SLC7A9: variants seen among roughly 807,000 people sequenced by gnomAD.
SLC7A9 encodes solute carrier family 7 member 9, also known as B(0,+)-type amino acid transporter 1.
SLC7A9 carries 38 observed loss-of-function variants against 54.1 expected under a neutral mutation model. The ratio of observed to expected loss-of-function variants is 0.70; its 90% CI spans 0.54 to 0.92. SLC7A9 has a LOEUF of 0.92. SLC7A9 is among the 40% of genes least tolerant of loss of function. The pLI, the probability that SLC7A9 is intolerant of heterozygous loss-of-function variation, is 0.00. For synonymous variants in SLC7A9, 264 were observed against 258.9 expected, an observed-to-expected ratio of 1.02 and a Z score of -0.19; for missense variants, 537 against 636.1, an observed-to-expected ratio of 0.84 and a Z score of 1.68.
At chr19:32,867,950 AAAAG>A (rs1969023123) in intron 2 of SLC7A9, among the ~76,000 whole-genome samples, 3 of 140,076 alleles carry the variant, frequency 2.1e-5, no homozygotes, top group Admixed American at 7.1e-5. Context: ...AAAAAAAAAA[AAAAG>A]AATATGCAGC....
At chr19:32,860,281 G>A (rs1259986690) in intron 7 of SLC7A9, 5 of 1,394,182 alleles carry the variant, frequency 3.6e-6, no homozygotes, top group Non-Finnish European at 4.6e-6. Flanking sequence ...CGCTGGCCGG[G>A]TGCAGTGGCT....
chr19:32,862,673 T>G, intron 4 of SLC7A9, 87 bp from the exon 5 acceptor site: 2 of 1,265,032 alleles, frequency 1.6e-6, no homozygotes, highest in Non-Finnish European at 2.1e-6. Flanking sequence ...TTTTTATTTT[T>G]TTTTTTTTTT....
Position 32,842,182 on chromosome 19 carries a change from C to T in SLC7A9, c.1210G>A (p.Glu404Lys), listed in dbSNP as rs766981518. Residue 404 changes from glutamate to lysine, a missense_variant, in exon 11 of 13, where the codon GAA becomes AAA. Coordinates refer to ENST00000023064, the MANE Select transcript of SLC7A9 (RefSeq NM_014270.5). ...TGCAAGCTTACCTTGATAGGCCTTT[C>T]CAGCTCTTTCCTTGTAAATCTCATC... ...IVMRFTRKEL[E>K]RPIKVPVVIP... 1 of 1,614,180 alleles carries T rather than the reference C, an allele frequency of 6.2e-7. No individual in the cohort carries two copies. The highest frequency in any genetic ancestry group is 1.1e-5 in the South Asian group (1 of 91,076).
intron 4 of SLC7A9, among the ~76,000 whole-genome samples, chr19:32,863,710 G>A (rs1465200253): frequency 1.3e-5 from 2 of 152,148 alleles, no homozygotes; most frequent in African/African-American, 4.8e-5. Context: ...ATTCCAAGAG[G>A]GCAGATCCAA....
At chr19:32,863,375 C>T (rs905972171) in intron 4 of SLC7A9, among the ~76,000 whole-genome samples, 5 of 152,028 alleles carry the variant, frequency 3.3e-5, no homozygotes, top group Admixed American at 6.6e-5. Flanking sequence ...AATCCCTCCA[C>T]CTTGGTCTCC....
chr19:32,830,988 TAATA>T (rs2145789481), intron 12 of SLC7A9, among the ~76,000 whole-genome samples: 1 of 152,174 alleles, frequency 6.6e-6, no homozygotes, highest in African/African-American at 2.4e-5. Flanking sequence ...CACATTCACT[TAATA>T]AATCTTAACT....
chr19:32,831,583 C>T (rs755850511), intron 12 of SLC7A9, among the ~76,000 whole-genome samples: 2 of 152,184 alleles, frequency 1.3e-5, no homozygotes, highest in South Asian at 2.1e-4. Flanking sequence ...CCACCGTGCC[C>T]GGCCCGATAT....
chr19:32,865,130 A>G (rs1240189057), intron 2 of SLC7A9, among the ~76,000 whole-genome samples: 8 of 152,118 alleles, frequency 5.3e-5, no homozygotes, highest in African/African-American at 1.7e-4. Context: ...TGTGCCCTCA[A>G]TGAAAAGGCT....
At chr19:32,838,113 GTACT>G (rs1444346948) in intron 11 of SLC7A9, among the ~76,000 whole-genome samples, 1 of 152,126 alleles carries the variant, frequency 6.6e-6, no homozygotes, top group African/African-American at 2.4e-5. Flanking sequence ...CCTTCTGTTG[GTACT>G]TACTTGAGAT....
At chr19:32,849,161 A>C (rs1220084808) in intron 9 of SLC7A9, among the ~76,000 whole-genome samples, 8 of 152,208 alleles carry the variant, frequency 5.3e-5, no homozygotes, top group Non-Finnish European at 1.0e-4. Context: ...AAAAGCTAGC[A>C]GAAGGCAAGA....
intron 9 of SLC7A9, among the ~76,000 whole-genome samples, chr19:32,847,484 G>A (rs1599666032): frequency 6.6e-6 from 1 of 152,158 alleles, no homozygotes; most frequent in Non-Finnish European, 1.5e-5. Flanking sequence ...GAAGTTTAGA[G>A]AAAAAAGAAT....
chr19:32,841,520 G>A (rs954073052), intron 11 of SLC7A9, among the ~76,000 whole-genome samples: 3 of 151,992 alleles, frequency 2.0e-5, no homozygotes, highest in African/African-American at 7.2e-5. Flanking sequence ...GAGCCCAGGA[G>A]TTTGTGACCA....
intron 9 of SLC7A9, among the ~76,000 whole-genome samples, chr19:32,848,115 G>T (rs1236479987): frequency 1.3e-5 from 2 of 152,162 alleles, no homozygotes; most frequent in East Asian, 3.8e-4. Context: ...AGGCTAGGAA[G>T]AAACTGCATC....
intron 2 of SLC7A9, among the ~76,000 whole-genome samples, 159 bp downstream of exon 2, chr19:32,868,289 A>C (rs1250782281): frequency 6.6e-6 from 1 of 151,818 alleles, no homozygotes; most frequent in Admixed American, 6.6e-5. Flanking sequence ...AAAGAGAAGT[A>C]AGTCCAGAGA....
intron 11 of SLC7A9, among the ~76,000 whole-genome samples, chr19:32,841,948 C>T (rs559719672): frequency 2.6e-5 from 4 of 152,194 alleles, no homozygotes; most frequent in East Asian, 3.9e-4. Flanking sequence ...GTTACAGAGA[C>T]GGGCCACAGG....
In SLC7A9 at chr19:32,833,295, G is replaced by A; in HGVS notation, c.1253C>T (p.Thr418Ile). 6.2e-7 allele frequency: 1 copy of A among 1,614,140 alleles called. No homozygotes were observed. The highest frequency in any genetic ancestry group is 8.5e-7 in the Non-Finnish European group (1 of 1,180,034). The change falls in exon 12 of 13, where the codon ACA becomes ATA. Residue 418 changes from threonine (T) to isoleucine (I), a missense_variant. Coordinates refer to ENST00000023064, the MANE Select transcript of SLC7A9 (RefSeq NM_014270.5). ...CAGAACCAAAAACACAGAGATGAGT[G>A]TCATCAAGACGGGAATGACTACGGG... Reference protein sequence around the residue: ...KVPVVIPVLMTLISVFLVLAP... With the variant: ...KVPVVIPVLMILISVFLVLAP...
At chr19:32,860,039 C>A (rs1264428248) in intron 7 of SLC7A9, 75 bp from the exon 8 acceptor site, 1 of 1,612,216 alleles carries the variant, frequency 6.2e-7, no homozygotes, top group Non-Finnish European at 8.5e-7. Flanking sequence ...CTCCCTGAGG[C>A]CCTCCCAGGG....
chr19:32,836,716 G>A (rs1475940753), intron 11 of SLC7A9, among the ~76,000 whole-genome samples: 6 of 152,198 alleles, frequency 3.9e-5, no homozygotes, highest in African/African-American at 2.4e-5. Context: ...CCAGTCACCT[G>A]TTATTAACGT....
chr19:32,842,405 G>A, intron 10 of SLC7A9, 88 bp from the exon 11 acceptor site: 1 of 1,317,418 alleles, frequency 7.6e-7, no homozygotes, highest in South Asian at 1.2e-5. Flanking sequence ...TTTTTCTTGT[G>A]AATAAACACT....
Sources: allele counts gnomAD v4.1 joint callset (sites outside exome capture counted in the v4.1 genomes callset), GRCh38; gene constraint gnomAD v4.1.1; transcripts MANE v1.5; gene names NCBI Gene and HGNC (gene_info 2026-07-23, HGNC 2026-07-21).